Variants in CCNY observed in about 807,000 individuals in gnomAD.
The protein encoded by CCNY is cyclin Y, also known as cyclin-Y.
In CCNY, 19 loss-of-function variants were observed where a neutral mutation model predicts 42.8. That is an observed-to-expected ratio of 0.44 (90% CI 0.31 to 0.65). The LOEUF is 0.65. CCNY is among the 30% of genes least tolerant of loss of function. CCNY has a pLI of 0.07. For missense variants in CCNY, 370 were observed against 437.3 expected, an observed-to-expected ratio of 0.85 and a Z score of 1.37; for synonymous variants, 165 against 162.7, an observed-to-expected ratio of 1.01 and a Z score of -0.11.
At chr10:35,427,843 A>T (rs1031310291) in intron 1 of CCNY, among the ~76,000 whole-genome samples, 5 of 152,134 alleles carry the variant, frequency 3.3e-5, no homozygotes, top group Non-Finnish European at 7.4e-5. Context: ...GACAGTTGCC[A>T]GCAGTTGAGA....
chr10:35,466,146 C>T (rs550244562), intron 1 of CCNY, among the ~76,000 whole-genome samples: 3 of 152,156 alleles, frequency 2.0e-5, no homozygotes, highest in African/African-American at 7.2e-5. Context: ...GGGGGGCACA[C>T]ATTCAAACCA....
upstream of CCNY, among the ~76,000 whole-genome samples, chr10:35,333,282 C>T (rs3003976): frequency 0.015 from 2,352 of 152,238 alleles, 74 homozygotes; most frequent in African/African-American, 0.052. Flanking sequence ...ATTTTGATTC[C>T]CGAGTGACAC....
intron 1 of CCNY, among the ~76,000 whole-genome samples, chr10:35,477,065 G>C (rs1232176364): frequency 2.6e-5 from 4 of 151,420 alleles, no homozygotes; most frequent in Admixed American, 1.3e-4. Context: ...TGGACACATA[G>C]ACTCTCCCAA....
intron 7 of CCNY, among the ~76,000 whole-genome samples, chr10:35,543,024 C>G (rs970378555): frequency 3.3e-5 from 5 of 152,194 alleles, no homozygotes; most frequent in African/African-American, 1.2e-4. Flanking sequence ...CCCAGGATTT[C>G]ATAAACAGAT....
At chr10:35,323,111 T>C (rs1835839552) in intron 3 of CCNY, among the ~76,000 whole-genome samples, 1 of 152,146 alleles carries the variant, frequency 6.6e-6, no homozygotes, top group Admixed American at 6.6e-5. Flanking sequence ...GTATTTTTAG[T>C]AGACACAGGG....
chr10:35,309,438 T>G (rs935178080), intron 3 of CCNY, among the ~76,000 whole-genome samples: 2 of 152,126 alleles, frequency 1.3e-5, no homozygotes, highest in African/African-American at 4.8e-5. Context: ...TGTTTTTCTT[T>G]TTCAGAGACA....
intron 1 of CCNY, among the ~76,000 whole-genome samples, chr10:35,377,797 A>T (rs1487548161): frequency 2.6e-5 from 4 of 152,154 alleles, no homozygotes; most frequent in African/African-American, 9.7e-5. Flanking sequence ...AAAAATCTTC[A>T]AAACAAAAAA....
intron 3 of CCNY, among the ~76,000 whole-genome samples, chr10:35,501,924 A>T (rs189212350): frequency 8.8e-4 from 134 of 152,290 alleles, no homozygotes; most frequent in African/African-American, 2.8e-3. Context: ...GTTGTTTTCC[A>T]TGAGGCTCTC....
Position 35,377,273 on chromosome 10 carries a change from G to A in CCNY, c.154+40066G>A, listed in dbSNP as rs181688118. Among the ~76,000 whole-genome samples, 298 of 152,332 alleles carry A rather than the reference G, an allele frequency of 2.0e-3. 2 individuals carry two copies. Among genetic ancestry groups the A allele is most frequent in the African/African-American group, 7.0e-3 (290 of 41,570 alleles). Reference sequence around the variant, plus strand: ...GCACTCACTTGCTGACTGACCTAGAGCAACTTCCAGTCCTGCAAGCTCCAT... The same window carrying A: ...GCACTCACTTGCTGACTGACCTAGAACAACTTCCAGTCCTGCAAGCTCCAT... On this transcript the variant is annotated intron_variant, in intron 1 of 9. Transcript: ENST00000374704.
chr10:35,486,350 T>C (rs1383095533), intron 2 of CCNY, among the ~76,000 whole-genome samples: 5 of 152,240 alleles, frequency 3.3e-5, no homozygotes, highest in Non-Finnish European at 7.3e-5. Context: ...AGATGACTGT[T>C]AAACATTTAC....
chr10:35,307,041 C>G (rs1835614924), intron 3 of CCNY, among the ~76,000 whole-genome samples: 2 of 152,190 alleles, frequency 1.3e-5, no homozygotes, highest in Admixed American at 1.3e-4. Flanking sequence ...GGCAACATAC[C>G]TTGCTGCTGG....
chr10:35,537,836 T>C (rs927948865), intron 7 of CCNY, among the ~76,000 whole-genome samples: 27 of 152,126 alleles, frequency 1.8e-4, no homozygotes, highest in African/African-American at 6.3e-4. Context: ...GAGTTAATGA[T>C]GAAATGAGGG....
chr10:35,444,903 G>A (rs1300478075), intron 1 of CCNY, among the ~76,000 whole-genome samples: 7 of 152,174 alleles, frequency 4.6e-5, no homozygotes, highest in African/African-American at 2.4e-5. Context: ...TCAAGGTGGT[G>A]GAAGCAGTGA....
intron 1 of CCNY, among the ~76,000 whole-genome samples, chr10:35,247,906 G>A (rs545709545): frequency 1.2e-4 from 16 of 136,566 alleles, no homozygotes; most frequent in Admixed American, 2.9e-4. Flanking sequence ...AGAAAAGAAA[G>A]AAAGAAAGAA....
At chr10:35,325,351 T>G (rs1589036574) in intron 3 of CCNY, among the ~76,000 whole-genome samples, 1 of 151,996 alleles carries the variant, frequency 6.6e-6, no homozygotes, top group African/African-American at 2.4e-5. Context: ...GCTAATTTTT[T>G]TATTTTTAGT....
chr10:35,492,442 A>G (rs763052783), intron 2 of CCNY, among the ~76,000 whole-genome samples: 2 of 152,224 alleles, frequency 1.3e-5, no homozygotes, highest in African/African-American at 2.4e-5. Context: ...GTGACTTGCC[A>G]AAATTTAATT....
intron 2 of CCNY, among the ~76,000 whole-genome samples, chr10:35,249,243 A>G (rs2095710206): frequency 6.6e-6 from 1 of 152,302 alleles, no homozygotes; most frequent in South Asian, 2.1e-4. Flanking sequence ...CTCCCTGCCA[A>G]CACTAGGTTT....
At chr10:35,286,034 A>G (rs543723787) in intron 3 of CCNY, among the ~76,000 whole-genome samples, 101 of 149,494 alleles carry the variant, frequency 6.8e-4, no homozygotes, top group African/African-American at 2.2e-3. Context: ...CTGGTCTTGC[A>G]CTCCCAATCT....
chr10:35,330,354 G>A (rs1016506884), intron 3 of CCNY, among the ~76,000 whole-genome samples: 3 of 152,066 alleles, frequency 2.0e-5, no homozygotes, highest in African/African-American at 4.8e-5. Flanking sequence ...TACCTATACC[G>A]TATCTTGGCT....
Sources: gnomAD v4.1 joint callset for allele counts (sites outside exome capture counted in the v4.1 genomes callset) on GRCh38, gnomAD v4.1.1 for gene constraint, MANE v1.5 for transcripts, NCBI Gene and HGNC (gene_info 2026-07-23, HGNC 2026-07-21) for gene names.